The following ALDH1A2 variants were observed in gnomAD, a reference collection of about 807,000 sequenced individuals.
ALDH1A2 encodes aldehyde dehydrogenase 1 family member A2, also known as retinal dehydrogenase 2.
In ALDH1A2, 27 loss-of-function variants were observed where a neutral mutation model predicts 60.3. The ratio of observed to expected loss-of-function variants is 0.45; its 90% CI spans 0.33 to 0.62. The LOEUF is 0.62. ALDH1A2 is among the 20% of genes least tolerant of loss of function. ALDH1A2 has a pLI of 0.02. For missense variants in ALDH1A2, 581 were observed against 643.8 expected (o/e 0.90, Z 1.06); for synonymous variants, 289 against 232.4 (o/e 1.24, Z -2.21).
intron 1 of ALDH1A2, among the ~76,000 whole-genome samples, chr15:58,024,023 G>A (rs1414540131): frequency 1.3e-5 from 2 of 152,198 alleles, no homozygotes; most frequent in East Asian, 1.9e-4. Flanking sequence ...AACCTGGGAG[G>A]TGGAGGTTGC....
At chr15:58,020,711 T>C (rs965967779) in intron 1 of ALDH1A2, among the ~76,000 whole-genome samples, 1 of 152,186 alleles carries the variant, frequency 6.6e-6, no homozygotes, top group Non-Finnish European at 1.5e-5. Flanking sequence ...TTTTCTTTCA[T>C]TTTCTTGATC....
intron 1 of ALDH1A2, among the ~76,000 whole-genome samples, chr15:58,048,467 G>C (rs953385132): frequency 6.6e-6 from 1 of 152,212 alleles, no homozygotes; most frequent in South Asian, 2.1e-4. Flanking sequence ...GTCACTAGTC[G>C]TGTTCCCCAG....
At chr15:58,049,427 C>G (rs1896718242) in intron 1 of ALDH1A2, among the ~76,000 whole-genome samples, 1 of 152,096 alleles carries the variant, frequency 6.6e-6, no homozygotes, top group African/African-American at 2.4e-5. Context: ...TATTGGATTA[C>G]TGAAAAGCCT....
At chr15:57,982,434 C>T (rs141175190) in intron 7 of ALDH1A2, among the ~76,000 whole-genome samples, 16 of 152,198 alleles carry the variant, frequency 1.1e-4, no homozygotes, top group East Asian at 3.9e-4. Context: ...TTTAGAGAGA[C>T]GCAAACTATA....
chr15:58,003,119 C>T (rs1218088224), intron 4 of ALDH1A2, among the ~76,000 whole-genome samples: 2 of 151,852 alleles, frequency 1.3e-5, no homozygotes, highest in Non-Finnish European at 2.9e-5. Flanking sequence ...AGTTAGTTTA[C>T]TTCTCTGGAC....
intron 1 of ALDH1A2, among the ~76,000 whole-genome samples, chr15:58,053,380 T>C (rs1896824210): frequency 1.3e-5 from 2 of 152,130 alleles, no homozygotes. Context: ...AAAAGCATGC[T>C]ATCATTTTAA....
chr15:57,996,899 A>T (rs1040803928), intron 4 of ALDH1A2, among the ~76,000 whole-genome samples: 1 of 151,992 alleles, frequency 6.6e-6, no homozygotes, highest in Non-Finnish European at 1.5e-5. Context: ...TAGAGTGAAC[A>T]TCTTTTCATG....
chr15:57,995,235 A>AC (rs1895016295), intron 4 of ALDH1A2, 96 bp from the exon 5 acceptor site: 3 of 691,572 alleles, frequency 4.3e-6, no homozygotes, highest in Non-Finnish European at 4.8e-6. Flanking sequence ...AAAAAAAAAA[A>AC]ACAAACAGAA....
At chr15:57,977,399 C>A (rs1253901360) in intron 7 of ALDH1A2, among the ~76,000 whole-genome samples, 1 of 152,010 alleles carries the variant, frequency 6.6e-6, no homozygotes, top group African/African-American at 2.4e-5. Context: ...GTCTTTAATC[C>A]ATCTTTAGTT....
At chr15:58,007,797 GA>G (rs4646599) in intron 4 of ALDH1A2, among the ~76,000 whole-genome samples, 44 of 142,564 alleles carry the variant, frequency 3.1e-4, no homozygotes, top group African/African-American at 6.2e-4. Context: ...ACTTCACTGT[GA>G]AAAAAAAAAA....
At chr15:58,058,841 G>A (rs1268153135) in intron 1 of ALDH1A2, among the ~76,000 whole-genome samples, 1 of 152,170 alleles carries the variant, frequency 6.6e-6, no homozygotes, top group Non-Finnish European at 1.5e-5. Flanking sequence ...ATAAAAATTA[G>A]AAAGTTCACA....
intron 1 of ALDH1A2, among the ~76,000 whole-genome samples, chr15:58,040,821 C>G (rs747398862): frequency 6.6e-6 from 1 of 151,874 alleles, no homozygotes; most frequent in Non-Finnish European, 1.5e-5. Context: ...GCTCTAGACA[C>G]TTTTTACACA....
chr15:57,989,358 G>GACAT (rs1894816721), intron 7 of ALDH1A2, among the ~76,000 whole-genome samples: 1 of 152,062 alleles, frequency 6.6e-6, no homozygotes, highest in African/African-American at 2.4e-5. Flanking sequence ...TTTTAATATG[G>GACAT]ACATGTAATG....
At chr15:58,028,142 G>T (rs1361174692) in intron 1 of ALDH1A2, among the ~76,000 whole-genome samples, 1 of 152,180 alleles carries the variant, frequency 6.6e-6, no homozygotes, top group East Asian at 1.9e-4. Flanking sequence ...GTTAAGGGCA[G>T]CCAGAGAGAA....
chr15:58,036,782 T>C (rs1896388239), intron 1 of ALDH1A2: 1 of 151,714 alleles, frequency 6.6e-6, no homozygotes, highest in Non-Finnish European at 1.5e-5. Flanking sequence ...AGTGCCAAGA[T>C]GGATAGTATA....
intron 1 of ALDH1A2, among the ~76,000 whole-genome samples, chr15:58,044,121 T>A (rs4553566): frequency 6.6e-6 from 1 of 151,706 alleles, no homozygotes; most frequent in Non-Finnish European, 1.5e-5. Context: ...CAGATCCGAG[T>A]GATCTTTGCT....
chr15:58,011,156 G>T (rs1895621927), intron 3 of ALDH1A2, among the ~76,000 whole-genome samples: 1 of 152,146 alleles, frequency 6.6e-6, no homozygotes, highest in South Asian at 2.1e-4. Context: ...ATAAAGAGGA[G>T]CAGAAACATG....
chr15:57,966,451 A>C (rs1893900357), intron 7 of ALDH1A2, among the ~76,000 whole-genome samples: 1 of 152,246 alleles, frequency 6.6e-6, no homozygotes, highest in Admixed American at 6.5e-5. Flanking sequence ...GAGTAGACTC[A>C]CATTGGCAAT....
intron 9 of ALDH1A2, among the ~76,000 whole-genome samples, chr15:57,963,416 T>C (rs1893792449): frequency 6.6e-6 from 1 of 151,634 alleles, no homozygotes; most frequent in African/African-American, 2.4e-5. Context: ...TGGCACAGTC[T>C]GTAAGCTCCA....
Sources: gnomAD v4.1 joint callset for allele counts (sites outside exome capture counted in the v4.1 genomes callset) on GRCh38, gnomAD v4.1.1 for gene constraint, MANE v1.5 for transcripts, NCBI Gene and HGNC (gene_info 2026-07-23, HGNC 2026-07-21) for gene names.